The following GABRG1 variants were observed in gnomAD, a reference collection of about 807,000 sequenced individuals.
The protein encoded by GABRG1 is gamma-aminobutyric acid type A receptor subunit gamma1, also known as gamma-aminobutyric acid receptor subunit gamma-1.
In GABRG1, 49 loss-of-function variants were observed where a neutral mutation model predicts 49.8. The ratio of observed to expected loss-of-function variants is 0.98; its 90% CI spans 0.78 to 1.25. The LOEUF is 1.25. Among genes scored for constraint, GABRG1 ranks in the 50% most tolerant of loss-of-function variants. GABRG1 has a pLI of 0.00. For missense variants in GABRG1, 552 were observed against 552.3 expected (o/e 1.00, Z 0.01); for synonymous variants, 232 against 185.1 (o/e 1.25, Z -2.06).
chr4:46,038,515 A>G lies in GABRG1; in HGVS notation c.*2473T>C, dbSNP rs535306505. The G allele has an allele frequency of 2.0e-5, 3 of 151,780 alleles. No homozygotes were observed. In the South Asian group the frequency reaches 6.2e-4, roughly 32 times the overall value. 9.4% of individuals were successfully genotyped at this position (151,780 alleles called of 1,614,324 possible). A position where few individuals can be genotyped will look rare whatever the true frequency, so the allele number is the denominator to read the frequency against. ...GGAAAATCAAGTTCCAATAAATTCA[A>G]TAAATTATTATATAACTCCCCAGAG... On this transcript the variant is annotated 3_prime_UTR_variant, in exon 9 of 9. Transcript: ENST00000295452.
Position 46,122,507 on chromosome 4 carries a change from CA to C in GABRG1, c.104+1302del, listed in dbSNP as rs201136956. 3.4e-4 allele frequency among the ~76,000 whole-genome samples: 51 copies of C among 151,770 alleles called. 4 individuals are homozygous for C. The East Asian group carries it at 9.7e-3, about 29-fold the overall frequency. ...GTATTATGTTTATGTTCGTGTCAAA[CA>C]TTTAAGAATCTAAGGGAACAGGGTT... On this transcript the variant is annotated intron_variant, in intron 1 of 8. Coordinates refer to ENST00000295452, the MANE Select transcript of GABRG1 (RefSeq NM_173536.4).
intron 5 of GABRG1, among the ~76,000 whole-genome samples, chr4:46,063,536 T>C (rs939030023): frequency 1.3e-5 from 2 of 152,064 alleles, no homozygotes; most frequent in Admixed American, 1.3e-4. Context: ...AAAAATTAAT[T>C]CAAGATGGAT....
chr4:46,062,041 A>C (rs1577640288), intron 5 of GABRG1, among the ~76,000 whole-genome samples: 1 of 84,750 alleles, frequency 1.2e-5, no homozygotes, highest in Non-Finnish European at 2.2e-5. Context: ...CCCACCCCAC[A>C]ACAGTCCCCA....
intron 1 of GABRG1, among the ~76,000 whole-genome samples, chr4:46,115,786 CA>C (rs1720866066): frequency 6.6e-6 from 1 of 150,614 alleles, no homozygotes; most frequent in South Asian, 2.1e-4. Flanking sequence ...CTGTTACTTT[CA>C]AAAATGAGTC....
rs1030082627 is a variant in GABRG1 at position 46,058,283 on chromosome 4, T to C, written c.850A>G (p.Thr284Ala). The change falls in exon 7 of 9, where the codon ACA (threonine) becomes GCA (alanine). Residue 284 changes from threonine to alanine, a missense_variant. Coordinates refer to ENST00000295452, the MANE Select transcript of GABRG1 (RefSeq NM_173536.4). ...TIQTYIPCIL[T>A]VVLSWVSFWI... The stretch of plus-strand genomic sequence containing the variant: ...AAAGACACCCAAGAAAGAACAACTG[T>C]CAGAATGCATGGAATGTAGGTCTGA... The C allele has an allele frequency of 3.1e-6, 5 of 1,613,368 alleles. No individual in the cohort carries two copies. The highest frequency in any genetic ancestry group is 4.2e-6 in the Non-Finnish European group (5 of 1,179,568).
chr4:46,117,859 C>T (rs1302538907), intron 1 of GABRG1, among the ~76,000 whole-genome samples: 1 of 69,214 alleles, frequency 1.4e-5, no homozygotes, highest in African/African-American at 9.8e-5. Context: ...TATCTATATA[C>T]ATATATACAT....
At chr4:46,048,370 A>AAAAG in intron 8 of GABRG1, among the ~76,000 whole-genome samples, 1 of 121,394 alleles carries the variant, frequency 8.2e-6, no homozygotes, top group South Asian at 3.0e-4. Flanking sequence ...AATGGAATAG[A>AAAAG]GAAGGAAGGA....
rs531564830 is a variant in GABRG1 at position 46,097,240 on chromosome 4, G to A, written c.214C>T (p.Leu72Phe). The change falls in exon 2 of 9, where the codon CTT (leucine) becomes TTT (phenylalanine). Residue 72 changes from leucine (L) to phenylalanine (F), a missense_variant. Leu to Phe is a conservative substitution (Grantham distance 22). Transcript: ENST00000295452. ...CGAAGTTTATTGTCATAGCCTTGAA[G>A]CAATGAATTCAGAATTTGTGTGATA... ...GDITQILNSL[L>F]QGYDNKLRPD... 7 of 1,610,420 alleles carry A rather than the reference G, an allele frequency of 4.3e-6. No homozygotes were observed. The African/African-American group carries it at 9.4e-5, about 22-fold the overall frequency.
chr4:46,071,209 G>A (rs943636109), intron 3 of GABRG1, among the ~76,000 whole-genome samples: 4 of 151,750 alleles, frequency 2.6e-5, no homozygotes, highest in African/African-American at 9.7e-5. Flanking sequence ...AATGGTAATG[G>A]TAATAAATAA....
chr4:46,083,257 A>T (rs1719638418), intron 3 of GABRG1, among the ~76,000 whole-genome samples: 1 of 151,764 alleles, frequency 6.6e-6, no homozygotes, highest in Non-Finnish European at 1.5e-5. Context: ...TGCAGTAGGT[A>T]AGCCCTTGAA....
chr4:46,107,062 A>G (rs1302357024), intron 1 of GABRG1, among the ~76,000 whole-genome samples: 2 of 151,336 alleles, frequency 1.3e-5, no homozygotes, highest in African/African-American at 2.4e-5. Flanking sequence ...GTTACAAATA[A>G]TCCAATTATA....
At chr4:46,051,157 G>A (rs999806815) in intron 8 of GABRG1, among the ~76,000 whole-genome samples, 1 of 151,770 alleles carries the variant, frequency 6.6e-6, no homozygotes, top group Non-Finnish European at 1.5e-5. Context: ...CACAAATAAT[G>A]TTTGAGGTAC....
At chr4:46,065,943 C>G (rs1371514212) in intron 3 of GABRG1, among the ~76,000 whole-genome samples, 3 of 152,038 alleles carry the variant, frequency 2.0e-5, no homozygotes, top group Non-Finnish European at 4.4e-5. Flanking sequence ...AGGATGGTCT[C>G]GATCTCCTGA....
chr4:46,115,860 TAA>T (rs1484449414), intron 1 of GABRG1, among the ~76,000 whole-genome samples: 2 of 150,754 alleles, frequency 1.3e-5, no homozygotes, highest in African/African-American at 4.8e-5. Flanking sequence ...AGATTAAACA[TAA>T]GATAGCTAAT....
At chr4:46,047,456 A>G (rs561095439) in intron 8 of GABRG1, among the ~76,000 whole-genome samples, 1 of 152,190 alleles carries the variant, frequency 6.6e-6, no homozygotes, top group East Asian at 1.9e-4. Context: ...TTATTTACAC[A>G]TGAAATGAAA....
chr4:46,060,499 C>A (rs749258972), intron 5 of GABRG1, among the ~76,000 whole-genome samples: 1 of 152,058 alleles, frequency 6.6e-6, no homozygotes, highest in Non-Finnish European at 1.5e-5. Flanking sequence ...CTAAAAAGTT[C>A]TTTCTACGTA....
At position 46,065,335 on chromosome 4, in the gene GABRG1, G is replaced by A. The variant is rs1323458429; in HGVS notation, c.542+29C>T. 8 of 1,363,656 alleles carry A rather than the reference G, an allele frequency of 5.9e-6. No individual in the cohort carries two copies. The Admixed American group carries it at 1.6e-4, about 27-fold the overall frequency. The allele number at this position is 1,363,656 out of a possible 1,614,324, so 84.5% of individuals were successfully genotyped here. A position where few individuals can be genotyped will look rare whatever the true frequency, so the allele number is the denominator to read the frequency against. On this transcript the variant is annotated intron_variant, in intron 4 of 8. Transcript: ENST00000295452. ...ATATTAGTATGGAAAATAAATGAGA[G>A]CAACTACAGATTTTTAAACCAATAT...
At chr4:46,118,523 G>T (rs747185397) in intron 1 of GABRG1, among the ~76,000 whole-genome samples, 2 of 151,044 alleles carry the variant, frequency 1.3e-5, no homozygotes, top group East Asian at 3.9e-4. Flanking sequence ...CAGGAATTCT[G>T]ATTTCTGTAT....
At chr4:46,095,444 C>A (rs537873971) in intron 2 of GABRG1, among the ~76,000 whole-genome samples, 55 of 151,560 alleles carry the variant, frequency 3.6e-4, no homozygotes, top group Non-Finnish European at 6.8e-4. Context: ...TCTAGAAAAA[C>A]GGCTACCCAA....
Sources: allele counts gnomAD v4.1 joint callset (sites outside exome capture counted in the v4.1 genomes callset), GRCh38; gene constraint gnomAD v4.1.1; transcripts MANE v1.5; gene names NCBI Gene and HGNC (gene_info 2026-07-23, HGNC 2026-07-21).